Variants in PARN observed in about 807,000 individuals in gnomAD.
PARN encodes the protein poly(A)-specific ribonuclease PARN.
PARN carries 71 observed loss-of-function variants against 102.8 expected under a neutral mutation model. The observed-to-expected ratio is 0.69, with a 90% CI of 0.57 to 0.84. The LOEUF (loss-of-function observed/expected upper bound fraction) is 0.84. Among genes scored for constraint, PARN ranks in the 40% least tolerant of loss-of-function variants. PARN has a pLI of 0.00. For missense variants in PARN, 782 were observed against 760.9 expected, an observed-to-expected ratio of 1.03 and a Z score of -0.33; for synonymous variants, 261 against 252.9, an observed-to-expected ratio of 1.03 and a Z score of -0.30.
chr16:14,597,653 C>T (rs754856511), intron 12 of PARN, among the ~76,000 whole-genome samples: 2 of 151,428 alleles, frequency 1.3e-5, no homozygotes, highest in African/African-American at 2.4e-5. Flanking sequence ...GCCAAGATCG[C>T]GCCACCGCGC....
At chr16:14,520,254 G>A (rs1012236226) in intron 21 of PARN, among the ~76,000 whole-genome samples, 1 of 152,146 alleles carries the variant, frequency 6.6e-6, no homozygotes, top group African/African-American at 2.4e-5. Context: ...AGACACCACA[G>A]ACATTTCAAC....
At chr16:14,445,442 T>C (rs1961155175) in intron 23 of PARN, among the ~76,000 whole-genome samples, 3 of 152,212 alleles carry the variant, frequency 2.0e-5, no homozygotes, top group Admixed American at 2.0e-4. Flanking sequence ...TTCCTTTGAT[T>C]TGATTGTTAG....
chr16:14,480,359 G>T (rs1429249702), intron 22 of PARN, among the ~76,000 whole-genome samples: 1 of 152,014 alleles, frequency 6.6e-6, no homozygotes, highest in Admixed American at 6.6e-5. Flanking sequence ...AAAAATATAT[G>T]CTCATTTACA....
At chr16:14,597,810 G>A (rs1017697389) in intron 12 of PARN, among the ~76,000 whole-genome samples, 8 of 151,964 alleles carry the variant, frequency 5.3e-5, no homozygotes, top group Non-Finnish European at 4.4e-5. Context: ...TCCAACTGGC[G>A]GACTTCTGAC....
intron 21 of PARN, among the ~76,000 whole-genome samples, chr16:14,532,898 G>GC (rs1438440014): frequency 6.8e-6 from 1 of 147,256 alleles, no homozygotes; most frequent in East Asian, 2.1e-4. Context: ...AGCTGGCCGG[G>GC]AGAGGGGCTC....
intron 21 of PARN, among the ~76,000 whole-genome samples, chr16:14,498,093 C>T (rs1964410329): frequency 7.2e-6 from 1 of 138,122 alleles, no homozygotes; most frequent in Non-Finnish European, 1.5e-5. Flanking sequence ...CACTGCACTC[C>T]AGCCTGGCAA....
chr16:14,523,305 A>C (rs1024243232), intron 21 of PARN, among the ~76,000 whole-genome samples: 3 of 152,012 alleles, frequency 2.0e-5, no homozygotes, highest in African/African-American at 4.8e-5. Context: ...ACTCGTGTCA[A>C]GCAAACAAAA....
chr16:14,504,889 A>T (rs887057418), intron 21 of PARN, among the ~76,000 whole-genome samples: 11 of 152,232 alleles, frequency 7.2e-5, no homozygotes, highest in South Asian at 2.1e-4. Context: ...AAGTTAAAAT[A>T]AAAAGCCTGA....
chr16:14,608,196 A>C, intron 9 of PARN, 85 bp downstream of exon 9: 1 of 1,020,628 alleles, frequency 9.8e-7, no homozygotes, highest in Non-Finnish European at 1.4e-6. Flanking sequence ...AGAATTTCAA[A>C]AAGGAAATGA....
intron 21 of PARN, among the ~76,000 whole-genome samples, chr16:14,489,505 C>G (rs956605587): frequency 6.6e-6 from 1 of 151,634 alleles, no homozygotes; most frequent in African/African-American, 2.4e-5. Context: ...CTACTAAAGG[C>G]CATTTCCAAT....
intron 21 of PARN, among the ~76,000 whole-genome samples, chr16:14,531,957 G>C (rs1319003066): frequency 6.6e-6 from 1 of 151,624 alleles, no homozygotes; most frequent in Non-Finnish European, 1.5e-5. Flanking sequence ...CAGCTACTTG[G>C]AAGGCTAAGG....
At chr16:14,554,403 G>A (rs1460883816) in intron 19 of PARN, among the ~76,000 whole-genome samples, 1 of 151,774 alleles carries the variant, frequency 6.6e-6, no homozygotes, top group African/African-American at 2.4e-5. Context: ...TTCTCATGAA[G>A]TTCCTGTGCA....
intron 12 of PARN, among the ~76,000 whole-genome samples, chr16:14,599,485 T>C (rs190809600): frequency 7.2e-5 from 11 of 152,348 alleles, no homozygotes; most frequent in Admixed American, 2.6e-4. Context: ...ATTACACTTA[T>C]GTAGCACTAA....
intron 21 of PARN, among the ~76,000 whole-genome samples, chr16:14,512,638 C>T (rs1003217150): frequency 2.0e-5 from 3 of 152,162 alleles, no homozygotes; most frequent in Non-Finnish European, 2.9e-5. Context: ...CTTCGTTTTA[C>T]TCAGGAGGAC....
At chr16:14,464,713 G>A (rs1008074220) in intron 22 of PARN, among the ~76,000 whole-genome samples, 3 of 151,974 alleles carry the variant, frequency 2.0e-5, no homozygotes, top group Admixed American at 1.3e-4. Flanking sequence ...CTGAGGTTGC[G>A]CCACTGCACT....
chr16:14,550,633 T>A (rs1967236180), intron 21 of PARN, among the ~76,000 whole-genome samples: 1 of 152,196 alleles, frequency 6.6e-6, no homozygotes, highest in African/African-American at 2.4e-5. Context: ...AATGCCAAAA[T>A]ACTGTGATCT....
rs1046802577 is a variant in PARN at position 14,604,286 on chromosome 16, G to A, written c.703-60C>T. ...TCTTTTTCTTTTTTTTTGAGACAGA[G>A]TTTCGCTCTTGTTGCTCAGGCTGGA... On this transcript the variant is annotated intron_variant, in intron 10 of 23. Transcript: ENST00000437198. 18 of 1,088,144 alleles carry A rather than the reference G, an allele frequency of 1.7e-5. No individual in the cohort carries two copies. In the African/African-American group the frequency reaches 2.7e-4, roughly 16 times the overall value. 67.4% of individuals were successfully genotyped at this position (1,088,144 alleles called of 1,614,324 possible).
chr16:14,517,485 A>C (rs963988971), intron 21 of PARN, among the ~76,000 whole-genome samples: 1 of 152,198 alleles, frequency 6.6e-6, no homozygotes, highest in Admixed American at 6.5e-5. Context: ...TAGGCAACCT[A>C]TGGAATTATG....
At chr16:14,504,292 G>A (rs1446549536) in intron 21 of PARN, among the ~76,000 whole-genome samples, 1 of 152,190 alleles carries the variant, frequency 6.6e-6, no homozygotes, top group Non-Finnish European at 1.5e-5. Context: ...CGGCACGGTG[G>A]CTCACACCTG....
Sources: gnomAD v4.1 joint callset for allele counts (sites outside exome capture counted in the v4.1 genomes callset) on GRCh38, gnomAD v4.1.1 for gene constraint, MANE v1.5 for transcripts, NCBI Gene and HGNC (gene_info 2026-07-23, HGNC 2026-07-21) for gene names.